The following APOO variants were observed in gnomAD, a reference collection of about 807,000 sequenced individuals.
APOO encodes apolipoprotein O.
APOO carries 11 observed loss-of-function variants against 23.1 expected under a neutral mutation model. The observed-to-expected ratio is 0.48, with a 90% confidence interval of 0.30 to 0.79. The LOEUF (loss-of-function observed/expected upper bound fraction) is 0.79. Among genes scored for constraint, APOO ranks in the 30% least tolerant of loss-of-function variants. The pLI is 0.07. For synonymous variants in APOO, 59 were observed against 54.8 expected, an observed-to-expected ratio of 1.08 and a Z score of -0.34; for missense variants, 160 against 142.7, an observed-to-expected ratio of 1.12 and a Z score of -0.62.
intron 7 of APOO, 121 bp from the exon 8 acceptor site, chrX:23,840,498 C>A: frequency 1.8e-6 from 1 of 567,955 alleles, no homozygotes; most frequent in Non-Finnish European, 2.7e-6. Flanking sequence ...AGGGTCAAAC[C>A]ATTTTATTGA....
intron 1 of APOO, chrX:23,883,276 T>C (rs928093730): frequency 9.0e-6 from 1 of 110,702 alleles, no homozygotes; most frequent in African/African-American, 3.3e-5. Context: ...TCCCATCTTG[T>C]GCCTATAAAA....
At chrX:23,862,430 T>G (rs1004702030) in intron 5 of APOO, among the ~76,000 whole-genome samples, 2 of 110,818 alleles carry the variant, frequency 1.8e-5, no homozygotes, top group Non-Finnish European at 3.8e-5. Context: ...AATAACTCAA[T>G]TGCTAATTAA....
intron 1 of APOO, among the ~76,000 whole-genome samples, chrX:23,898,998 A>G (rs1216264205): frequency 8.9e-6 from 1 of 112,463 alleles, no homozygotes; most frequent in Admixed American, 9.5e-5. Context: ...TCTTTTCAGG[A>G]ATATCTGAAA....
chrX:23,887,638 G>A (rs1366198143), intron 1 of APOO, among the ~76,000 whole-genome samples: 1 of 111,294 alleles, frequency 9.0e-6, no homozygotes, highest in Non-Finnish European at 1.9e-5. Context: ...CTTGTTGCCA[G>A]GTACACTCCC....
At chrX:23,849,268 A>C (rs976151766) in intron 7 of APOO, among the ~76,000 whole-genome samples, 1 of 108,423 alleles carries the variant, frequency 9.2e-6, no homozygotes, top group Non-Finnish European at 1.9e-5. Flanking sequence ...CCAAAGATTC[A>C]ATGGGTCTAG....
chrX:23,838,357 C>CA (rs764414297), intron 8 of APOO, among the ~76,000 whole-genome samples: 551 of 19,913 alleles, frequency 0.028, 11 homozygotes, highest in Non-Finnish European at 0.03. Flanking sequence ...AACTCTATCT[C>CA]AAAAAAAAAA....
At chrX:23,904,175 T>A (rs779313288) in intron 1 of APOO, among the ~76,000 whole-genome samples, 1 of 111,704 alleles carries the variant, frequency 9.0e-6, no homozygotes, top group African/African-American at 3.3e-5. Flanking sequence ...CCAGTCTCTA[T>A]TCTCCCTCTT....
chrX:23,889,656 GTTT>G (rs138373055), intron 1 of APOO, among the ~76,000 whole-genome samples: 14 of 61,867 alleles, frequency 2.3e-4, no homozygotes, highest in South Asian at 1.2e-3. Flanking sequence ...CTGGGGAGTT[GTTT>G]TTTTTTTTTT....
At chrX:23,862,209 CAGA>C (rs1444961968) in intron 5 of APOO, among the ~76,000 whole-genome samples, 1 of 110,807 alleles carries the variant, frequency 9.0e-6, no homozygotes, top group Non-Finnish European at 1.9e-5. Flanking sequence ...ACAAAGGAAA[CAGA>C]AGAACTTCAA....
At chrX:23,886,907 G>A (rs1209806352) in intron 1 of APOO, among the ~76,000 whole-genome samples, 1 of 111,526 alleles carries the variant, frequency 9.0e-6, no homozygotes, top group Non-Finnish European at 1.9e-5. Context: ...TTTAAGAAGG[G>A]AAAGGCTAAG....
intron 8 of APOO, chrX:23,837,014 C>T (rs1451419250): frequency 2.0e-5 from 23 of 1,136,535 alleles, no homozygotes; most frequent in South Asian, 3.7e-5. Flanking sequence ...TGGATAACAA[C>T]GTTGATGGGG....
intron 8 of APOO, among the ~76,000 whole-genome samples, chrX:23,838,345 G>A (rs1412989573): frequency 2.3e-5 from 1 of 44,279 alleles, no homozygotes; most frequent in Admixed American, 3.4e-4. Context: ...CAACAAGAGT[G>A]AAACTCTATC....
intron 1 of APOO, among the ~76,000 whole-genome samples, chrX:23,889,251 C>G (rs1157352006): frequency 8.9e-6 from 1 of 111,860 alleles, no homozygotes; most frequent in African/African-American, 3.2e-5. Flanking sequence ...AGGTCGTAAA[C>G]AAACAAATCA....
At chrX:23,894,610 C>T (rs1351851231) in intron 1 of APOO, among the ~76,000 whole-genome samples, 2 of 110,275 alleles carry the variant, frequency 1.8e-5, no homozygotes, top group Non-Finnish European at 3.8e-5. Flanking sequence ...GCCTGGCTAA[C>T]ATGGTGAAAC....
Position 23,880,908 on chromosome X carries a change from G to A in APOO, c.54C>T (p.Thr18=), listed in dbSNP as rs749800224. 4.6e-5 allele frequency: 55 copies of A among 1,187,546 alleles called. No individual in the cohort carries two copies. Among genetic ancestry groups the A allele is most frequent in the Non-Finnish European group, 6.1e-5 (54 of 886,081 alleles). Residue 18 remains threonine (T), a synonymous_variant, in exon 2 of 9, where the codon ACC becomes ACT. Transcript: ENST00000379226. Reference sequence around the variant, plus strand: ...TTTTTGGTGCTGCATAGACTTTGAAGGTGAGCAAGCTCAGGCTGGCTGGCC... The same window carrying A: ...TTTTTGGTGCTGCATAGACTTTGAAAGTGAGCAAGCTCAGGCTGGCTGGCC... ...SVGPASLSLL[T]FKVYAAPKKD...
intron 5 of APOO, among the ~76,000 whole-genome samples, chrX:23,866,553 T>C: frequency 9.0e-6 from 1 of 110,630 alleles, no homozygotes; most frequent in Non-Finnish European, 1.9e-5. Context: ...GGTGGATGGC[T>C]TGAGTTCAGG....
At chrX:23,896,250 A>G (rs1926900893) in intron 1 of APOO, among the ~76,000 whole-genome samples, 1 of 107,215 alleles carries the variant, frequency 9.3e-6, no homozygotes, top group Non-Finnish European at 1.9e-5. Context: ...CCTGGGCAAC[A>G]GAGTAAGACT....
intron 5 of APOO, among the ~76,000 whole-genome samples, chrX:23,864,844 C>T (rs781697865): frequency 2.2e-4 from 25 of 111,435 alleles, no homozygotes; most frequent in Non-Finnish European, 1.7e-4. Context: ...CCCTCCCCTG[C>T]CCCCATCCAC....
intron 6 of APOO, 124 bp downstream of exon 6, chrX:23,858,518 T>C: frequency 1.7e-6 from 1 of 581,333 alleles, no homozygotes; most frequent in Non-Finnish European, 2.7e-6. Flanking sequence ...TGTATTCATC[T>C]ATATGTACAA....
Sources: gnomAD v4.1 joint callset for allele counts (sites outside exome capture counted in the v4.1 genomes callset) on GRCh38, gnomAD v4.1.1 for gene constraint, MANE v1.5 for transcripts, NCBI Gene and HGNC (gene_info 2026-07-23, HGNC 2026-07-21) for gene names.